GOLGA5: variants seen among roughly 807,000 people sequenced by gnomAD.
The protein encoded by GOLGA5 is golgin A5.
In GOLGA5, 50 loss-of-function variants were observed where a neutral mutation model predicts 93.5. The ratio of observed to expected loss-of-function variants is 0.53; its 90% CI spans 0.43 to 0.68. GOLGA5 has a LOEUF of 0.68. GOLGA5 is among the 30% of genes least tolerant of loss of function. GOLGA5 has a pLI of 0.00. For missense variants in GOLGA5, 760 were observed against 856.4 expected (o/e 0.89, Z 1.40); for synonymous variants, 312 against 304.5 (o/e 1.02, Z -0.26).
At position 92,797,775 on chromosome 14, in the gene GOLGA5, G is replaced by GA; in HGVS notation, c.344dup (p.Ser116ValfsTer4). On this transcript the variant is annotated frameshift_variant, in exon 2 of 13. Transcript: ENST00000163416. LOFTEE classifies it high-confidence loss of function. ...AGGCCTTCATCCCATTTTGTGCGAA[G>GA]AAAAAAGTCAGAACCTGATGATGAG... The GA allele has an allele frequency of 6.2e-7, 1 of 1,613,358 alleles. No individual in the cohort carries two copies. The highest frequency in any genetic ancestry group is 8.5e-7 in the Non-Finnish European group (1 of 1,179,802).
intron 10 of GOLGA5, 100 bp downstream of exon 10, chr14:92,833,447 A>T: frequency 1.2e-6 from 1 of 851,610 alleles, no homozygotes; most frequent in Non-Finnish European, 1.9e-6. Flanking sequence ...CATCCAGTGA[A>T]GGACTCAATT....
intron 2 of GOLGA5, among the ~76,000 whole-genome samples, chr14:92,799,272 A>ATTTTTTTTTTTTTTTTT (rs1191305000): frequency 3.2e-5 from 4 of 124,194 alleles, no homozygotes; most frequent in African/African-American, 1.4e-4. Flanking sequence ...GGCCATAGGG[A>ATTTTTTTTTTTTTTTTT]TTTTTTTTTT....
Position 92,839,440 on chromosome 14 carries a change from C to G in GOLGA5, c.2190C>G (p.Gly730=). ...TPEMHHDQPY[G]K is the part of the protein sequence containing the mutation. Reference sequence around the variant, plus strand: ...AAATGCACCACGACCAACCATATGGCAAATGAACCAAGCCCAGTTGTTGCA... The same window carrying G: ...AAATGCACCACGACCAACCATATGGGAAATGAACCAAGCCCAGTTGTTGCA... Residue 730 remains glycine, a synonymous_variant, in exon 13 of 13, where the codon GGC becomes GGG. Transcript: ENST00000163416. 1 of 1,602,158 alleles carries G rather than the reference C, an allele frequency of 6.2e-7. No homozygotes were observed.
rs1040687049 is a variant in GOLGA5 at position 92,833,082 on chromosome 14, T to C, written c.1720-40T>C. On this transcript the variant is annotated intron_variant, in intron 9 of 12. Transcript: ENST00000163416. ...GTGTGATTTCTGTATTGTATGACTT[T>C]CATTTTATGTAAGAATTTTGTGAAC... The C allele has an allele frequency of 3.6e-6, 4 of 1,123,364 alleles. No individual in the cohort carries two copies. The African/African-American group carries it at 4.6e-5, about 13-fold the overall frequency. The allele number at this position is 1,123,364 out of a possible 1,614,324, so 69.6% of individuals were successfully genotyped here. A position where few individuals can be genotyped will look rare whatever the true frequency, so the allele number is the denominator to read the frequency against.
chr14:92,833,109 C>CT lies in GOLGA5; in HGVS notation c.1720-10dup. ...ATTTTATGTAAGAATTTTGTGAACA[C>CT]TTTCTCTTTCAGCTTACCAATAAAA... On this transcript the variant is annotated splice_polypyrimidine_tract_variant and intron_variant, in intron 9 of 12. Transcript: ENST00000163416. 1 of 1,445,100 alleles carries CT rather than the reference C, an allele frequency of 6.9e-7. No homozygotes were observed. Among genetic ancestry groups the CT allele is most frequent in the South Asian group, 1.1e-5 (1 of 87,450 alleles). 89.5% of individuals were successfully genotyped at this position (1,445,100 alleles called of 1,614,324 possible).
intron 8 of GOLGA5, 62 bp downstream of exon 8, chr14:92,819,898 TC>T: frequency 6.5e-7 from 1 of 1,541,700 alleles, no homozygotes. Flanking sequence ...TGAGCAGACC[TC>T]CCAGGAAAGC....
Position 92,812,196 on chromosome 14 carries a change from G to A in GOLGA5, c.1320+442G>A, listed in dbSNP as rs1047276973. ...AGAAAGACTACAGTCATCTAATGTCGTTTTTGAATTCTCTTTCCTTTGTCC... is the reference window on the plus strand; with the variant it reads ...AGAAAGACTACAGTCATCTAATGTCATTTTTGAATTCTCTTTCCTTTGTCC... On this transcript the variant is annotated intron_variant, in intron 6 of 12. Transcript: ENST00000163416. 6.6e-5 allele frequency among the ~76,000 whole-genome samples: 10 copies of A among 152,114 alleles called. No individual in the cohort carries two copies. The East Asian group carries it at 9.6e-4, about 15-fold the overall frequency.
intron 10 of GOLGA5, 119 bp downstream of exon 10, chr14:92,833,466 T>C (rs1181767223): frequency 1.4e-6 from 1 of 713,916 alleles, no homozygotes; most frequent in Admixed American, 2.4e-5. Flanking sequence ...TTTTCTGATA[T>C]GAGACCTGGG....
At chr14:92,824,185 A>G (rs1885369881) in intron 8 of GOLGA5, among the ~76,000 whole-genome samples, 1 of 152,180 alleles carries the variant, frequency 6.6e-6, no homozygotes, top group South Asian at 2.1e-4. Context: ...TATTTTATGA[A>G]TATTTTTTCC....
chr14:92,820,978 AC>A (rs1333174825), intron 8 of GOLGA5, among the ~76,000 whole-genome samples: 1 of 152,150 alleles, frequency 6.6e-6, no homozygotes, highest in Non-Finnish European at 1.5e-5. Flanking sequence ...TTTTCCCTAC[AC>A]CATCCTCCTT....
chr14:92,837,330 T>G (rs952557275), intron 11 of GOLGA5, 56 bp from the exon 12 acceptor site: 9 of 826,578 alleles, frequency 1.1e-5, no homozygotes, highest in Non-Finnish European at 1.6e-5. Context: ...ACAGGAAGAT[T>G]TGTTTTGACT....
intron 7 of GOLGA5, among the ~76,000 whole-genome samples, chr14:92,816,650 C>G (rs913864992): frequency 6.6e-6 from 1 of 152,150 alleles, no homozygotes; most frequent in African/African-American, 2.4e-5. Flanking sequence ...CAGCCTCGAA[C>G]TCCTGGGCTC....
chr14:92,798,160 A>G (rs1229503324), intron 2 of GOLGA5, among the ~76,000 whole-genome samples, 179 bp downstream of exon 2: 2 of 152,196 alleles, frequency 1.3e-5, no homozygotes, highest in African/African-American at 4.8e-5. Flanking sequence ...TAGTCAATAG[A>G]CAGTTGTAGC....
chr14:92,798,720 A>G (rs570874126), intron 2 of GOLGA5, among the ~76,000 whole-genome samples: 5 of 152,338 alleles, frequency 3.3e-5, no homozygotes, highest in Admixed American at 2.6e-4. Flanking sequence ...GTTTGAGACC[A>G]GCCTAAACAA....
intron 11 of GOLGA5, among the ~76,000 whole-genome samples, chr14:92,836,706 C>G (rs1370298972): frequency 7.2e-5 from 11 of 152,092 alleles, no homozygotes; most frequent in Non-Finnish European, 1.6e-4. Flanking sequence ...CAACCAGACT[C>G]TTTTTTTCCC....
At chr14:92,828,579 G>A (rs201553469) in intron 9 of GOLGA5, among the ~76,000 whole-genome samples, 2 of 152,206 alleles carry the variant, frequency 1.3e-5, no homozygotes, top group Admixed American at 6.5e-5. Context: ...CATTGTTTAT[G>A]AAATCATACC....
At chr14:92,816,180 G>A (rs1211199377) in intron 6 of GOLGA5, 71 bp from the exon 7 acceptor site, 3 of 999,154 alleles carry the variant, frequency 3.0e-6, no homozygotes, top group Admixed American at 2.2e-5. Flanking sequence ...GTTATTTTCT[G>A]TATAGTAGAT....
In GOLGA5 at chr14:92,836,983, A is replaced by G. The variant is rs563680692; in HGVS notation, c.2052-403A>G. ...CTACTCGGGAGGCTGAAGCTGGAGA[A>G]TTGCTTGAACCCAGGAAGCAGAGGT... is the stretch of plus-strand genomic sequence containing the variant. On this transcript the variant is annotated intron_variant, in intron 11 of 12. Transcript: ENST00000163416. Among the ~76,000 whole-genome samples the G allele has an allele frequency of 6.2e-4, 94 of 151,654 alleles. 1 individual carries two copies. Among genetic ancestry groups the G allele is most frequent in the African/African-American group, 2.2e-3 (91 of 41,066 alleles).
chr14:92,795,292 T>C (rs1884701820), intron 1 of GOLGA5, among the ~76,000 whole-genome samples: 2 of 152,224 alleles, frequency 1.3e-5, no homozygotes, highest in South Asian at 4.1e-4. Flanking sequence ...CATTTGATTT[T>C]TTATAAACTC....
Sources: allele counts gnomAD v4.1 joint callset (sites outside exome capture counted in the v4.1 genomes callset), GRCh38; gene constraint gnomAD v4.1.1; transcripts MANE v1.5; gene names NCBI Gene and HGNC (gene_info 2026-07-23, HGNC 2026-07-21).